The following PAG1 variants were observed in gnomAD, a reference collection of about 807,000 sequenced individuals.
The protein encoded by PAG1 is phosphoprotein membrane anchor with glycosphingolipid microdomains 1.
In PAG1, 23 loss-of-function variants were observed where a neutral mutation model predicts 31.7. The observed-to-expected ratio is 0.73, with a 90% CI of 0.52 to 1.03. The LOEUF (loss-of-function observed/expected upper bound fraction) is 1.03. Ranked by LOEUF, PAG1 falls within the 50% of genes least tolerant of loss-of-function variation. PAG1 has a pLI of 0.00. For synonymous variants in PAG1, 214 were observed against 210.3 expected, an observed-to-expected ratio of 1.02 and a Z score of -0.15; for missense variants, 473 against 540.7, an observed-to-expected ratio of 0.87 and a Z score of 1.24.
chr8:80,996,965 C>G (rs1026421868), intron 3 of PAG1, among the ~76,000 whole-genome samples: 4 of 150,818 alleles, frequency 2.7e-5, no homozygotes, highest in Non-Finnish European at 5.9e-5. Context: ...CCAGACTCTA[C>G]ACTGTGCCAC....
chr8:81,030,925 GGCTGT>G (rs1563636001), intron 2 of PAG1, among the ~76,000 whole-genome samples: 1 of 152,172 alleles, frequency 6.6e-6, no homozygotes, highest in African/African-American at 2.4e-5. Context: ...ATGAAAGAAC[GGCTGT>G]GTTTATGCTC....
intron 6 of PAG1, among the ~76,000 whole-genome samples, chr8:80,986,596 A>G (rs1807427919): frequency 6.6e-6 from 1 of 152,182 alleles, no homozygotes; most frequent in Non-Finnish European, 1.5e-5. Flanking sequence ...GCAAATTAGC[A>G]ACATCTCTGT....
rs1346210595 is a variant in PAG1 at position 80,975,170 on chromosome 8, T to C, written c.*1374A>G. The C allele has an allele frequency of 6.6e-6, 1 of 152,248 alleles. No homozygotes were observed. Among genetic ancestry groups the C allele is most frequent in the Non-Finnish European group, 1.5e-5 (1 of 68,038 alleles). 9.4% of individuals were successfully genotyped at this position (152,248 alleles called of 1,614,324 possible). A position where few individuals can be genotyped will look rare whatever the true frequency, so the allele number is the denominator to read the frequency against. On this transcript the variant is annotated 3_prime_UTR_variant, in exon 9 of 9. Transcript: ENST00000220597. Reference sequence around the variant, plus strand: ...TTTTACCATTTCAAATATTGCAATATTGCCCACCATAAACCACTGAAAATG... The same window carrying C: ...TTTTACCATTTCAAATATTGCAATACTGCCCACCATAAACCACTGAAAATG...
At chr8:81,034,824 T>C (rs899363506) in intron 2 of PAG1, among the ~76,000 whole-genome samples, 1 of 152,180 alleles carries the variant, frequency 6.6e-6, no homozygotes, top group African/African-American at 2.4e-5. Context: ...TTCCAAAGAA[T>C]ACGATTTCAT....
At chr8:81,105,391 A>G (rs987605692) in intron 1 of PAG1, among the ~76,000 whole-genome samples, 1 of 152,222 alleles carries the variant, frequency 6.6e-6, no homozygotes, top group Non-Finnish European at 1.5e-5. Context: ...CAGTCACTAA[A>G]TTTGACTGAA....
intron 2 of PAG1, among the ~76,000 whole-genome samples, chr8:81,036,189 C>T (rs1310380615): frequency 2.0e-5 from 3 of 152,142 alleles, no homozygotes; most frequent in Non-Finnish European, 4.4e-5. Flanking sequence ...TGCATTTATA[C>T]AGTTTTACTC....
chr8:81,003,351 G>T (rs1807821485), intron 3 of PAG1, among the ~76,000 whole-genome samples: 1 of 152,194 alleles, frequency 6.6e-6, no homozygotes, highest in South Asian at 2.1e-4. Flanking sequence ...AACTACATTT[G>T]AAGTAGCACT....
chr8:81,057,464 A>G (rs183092536), intron 2 of PAG1, among the ~76,000 whole-genome samples: 29 of 151,482 alleles, frequency 1.9e-4, no homozygotes, highest in Middle Eastern at 3.4e-3. Flanking sequence ...GCAAACTACC[A>G]CAAGGACAAA....
rs150317966 is a variant in PAG1 at position 81,104,465 on chromosome 8, T to A, written c.-234+7126A>T. Among the ~76,000 whole-genome samples the A allele has an allele frequency of 6.1e-3, 934 of 152,044 alleles. 3 individuals are homozygous for A. The highest frequency in any genetic ancestry group is 0.031 in the Middle Eastern group (9 of 294). On this transcript the variant is annotated intron_variant, in intron 1 of 8. Transcript: ENST00000220597. The stretch of plus-strand genomic sequence containing the variant: ...CAACAATTTCAAATACACGGAAGAC[T>A]TGCAAACCTGCATTTCCAGTTCGGC...
intron 3 of PAG1, among the ~76,000 whole-genome samples, chr8:81,024,023 C>G (rs1276876503): frequency 6.6e-6 from 1 of 152,134 alleles, no homozygotes; most frequent in African/African-American, 2.4e-5. Flanking sequence ...TTAAAGCCCC[C>G]ATGGGGGCTT....
chr8:81,049,900 T>C (rs551296804), intron 2 of PAG1, among the ~76,000 whole-genome samples: 1 of 152,258 alleles, frequency 6.6e-6, no homozygotes, highest in African/African-American at 2.4e-5. Context: ...ATTTGGAGAT[T>C]CAGTAAATAT....
chr8:81,048,427 C>A (rs974825155), intron 2 of PAG1, among the ~76,000 whole-genome samples: 7 of 152,080 alleles, frequency 4.6e-5, no homozygotes, highest in African/African-American at 9.7e-5. Flanking sequence ...CAGCTCTTGC[C>A]TTCTCTCTGC....
At position 80,975,795 on chromosome 8, in the gene PAG1, A is replaced by G. The variant is rs1482126431; in HGVS notation, c.*749T>C. The G allele has an allele frequency of 6.6e-6, 1 of 152,230 alleles. No homozygotes were observed. Among genetic ancestry groups the G allele is most frequent in the Non-Finnish European group, 1.5e-5 (1 of 68,044 alleles). 9.4% of individuals were successfully genotyped at this position (152,230 alleles called of 1,614,324 possible). ...CACTGGGGGAAACACGTTTTTGACT[A>G]GAAAAATAAAATAAAGCATCTAAAA... is the stretch of plus-strand genomic sequence containing the variant. On this transcript the variant is annotated 3_prime_UTR_variant, in exon 9 of 9. Transcript: ENST00000220597.
chr8:81,032,142 T>C (rs888663011), intron 2 of PAG1, among the ~76,000 whole-genome samples: 3 of 152,082 alleles, frequency 2.0e-5, no homozygotes, highest in Non-Finnish European at 1.5e-5. Flanking sequence ...GGCTAAATCT[T>C]CATGAGCTCA....
intron 3 of PAG1, among the ~76,000 whole-genome samples, chr8:81,015,117 T>C (rs1240096704): frequency 1.3e-5 from 2 of 152,338 alleles, no homozygotes; most frequent in Non-Finnish European, 1.5e-5. Flanking sequence ...TTCACATCAC[T>C]GATTAGAGGT....
At chr8:81,092,582 C>T (rs58716069) in intron 1 of PAG1, among the ~76,000 whole-genome samples, 1,766 of 152,318 alleles carry the variant, frequency 0.012, 37 homozygotes, top group African/African-American at 0.039. Context: ...GATTCAGCAA[C>T]ATTAGCTTGA....
rs1807394664 is a variant in PAG1, at chr8:80,985,289, G to A, written c.363C>T (p.Ser121=). 1 of 1,614,138 alleles carries A rather than the reference G, an allele frequency of 6.2e-7. No individual in the cohort carries two copies. Among genetic ancestry groups the A allele is most frequent in the Non-Finnish European group, 8.5e-7 (1 of 1,180,018 alleles). The change falls in exon 7 of 9, where the codon AGC becomes AGT. Residue 121 remains serine (S), a synonymous_variant. Transcript: ENST00000220597. ...SASDLLDSQD[S]TGKPKCHQSR... The stretch of plus-strand genomic sequence containing the variant: ...TCTGATGACATTTTGGTTTCCCTGT[G>A]CTGTCCTGGGAATCCAGCAGATCCG...
intron 2 of PAG1, among the ~76,000 whole-genome samples, chr8:81,061,169 T>C (rs1259104630): frequency 6.6e-6 from 1 of 152,218 alleles, no homozygotes; most frequent in Non-Finnish European, 1.5e-5. Context: ...TGAAGTATTC[T>C]TAAAGCCTTC....
chr8:81,052,022 C>T (rs1005946873), intron 2 of PAG1, among the ~76,000 whole-genome samples: 17 of 148,908 alleles, frequency 1.1e-4, no homozygotes, highest in African/African-American at 3.5e-4. Context: ...CCCAGCTACT[C>T]GGGAGGCTGA....
Sources: allele counts gnomAD v4.1 joint callset (sites outside exome capture counted in the v4.1 genomes callset), GRCh38; gene constraint gnomAD v4.1.1; transcripts MANE v1.5; gene names NCBI Gene and HGNC (gene_info 2026-07-23, HGNC 2026-07-21).